TBC1D32: variants seen among roughly 807,000 people sequenced by gnomAD.
TBC1D32 encodes protein broad-minded.
Under a neutral mutation model 170.3 loss-of-function variants are expected in TBC1D32, and 151 were observed. The ratio of observed to expected loss-of-function variants is 0.89; its 90% CI spans 0.78 to 1.01. TBC1D32 has a LOEUF of 1.01. Among genes scored for constraint, TBC1D32 ranks in the 50% least tolerant of loss-of-function variants. TBC1D32 has a pLI of 0.00. For synonymous variants in TBC1D32, 498 were observed against 488.0 expected (o/e 1.02, Z -0.27); for missense variants, 1,464 against 1,457.1 (o/e 1.00, Z -0.08).
intron 22 of TBC1D32, among the ~76,000 whole-genome samples, chr6:121,168,326 T>C (rs1395424038): frequency 2.1e-5 from 3 of 140,766 alleles, no homozygotes; most frequent in African/African-American, 8.0e-5. Flanking sequence ...TGTCCAACAA[T>C]GATAGACTGG....
At chr6:121,198,277 T>C (rs1053738512) in intron 22 of TBC1D32, among the ~76,000 whole-genome samples, 6 of 128,446 alleles carry the variant, frequency 4.7e-5, no homozygotes, top group East Asian at 2.1e-4. Context: ...ATATATAATA[T>C]ACACACACAC....
intron 15 of TBC1D32, among the ~76,000 whole-genome samples, chr6:121,270,196 A>C (rs1801163612): frequency 6.6e-6 from 1 of 152,174 alleles, no homozygotes; most frequent in Non-Finnish European, 1.5e-5. Context: ...CATCACAATT[A>C]AAAGAACTAG....
rs201842248 is a variant in TBC1D32, at chr6:121,080,713, C to G, written c.*58G>C. The stretch of plus-strand genomic sequence containing the variant: ...GTTACAGACACAGAAAAACATCAAG[C>G]CCCCCTGCTGTGTTTAAAAATAAAT... On this transcript the variant is annotated 3_prime_UTR_variant, in exon 32 of 32. Coordinates refer to ENST00000398212, the MANE Select transcript of TBC1D32 (RefSeq NM_152730.6). The G allele has an allele frequency of 5.9e-6, 9 of 1,530,960 alleles. No homozygotes were observed. The African/African-American group carries it at 1.3e-4, about 22-fold the overall frequency. The allele number at this position is 1,530,960 out of a possible 1,614,324, so 94.8% of individuals were successfully genotyped here.
At chr6:121,094,661 T>A (rs186283249) in intron 30 of TBC1D32, among the ~76,000 whole-genome samples, 4 of 152,268 alleles carry the variant, frequency 2.6e-5, no homozygotes, top group Admixed American at 2.0e-4. Flanking sequence ...CTTGGTTGAT[T>A]TGTGTCTTAA....
chr6:121,324,626 T>C (rs979215155), intron 1 of TBC1D32, among the ~76,000 whole-genome samples: 1 of 152,240 alleles, frequency 6.6e-6, no homozygotes, highest in African/African-American at 2.4e-5. Context: ...CTTCTTTTGG[T>C]AATTCATCAT....
intron 5 of TBC1D32, among the ~76,000 whole-genome samples, chr6:121,307,462 G>T (rs887566061): frequency 6.6e-6 from 1 of 152,116 alleles, no homozygotes; most frequent in African/African-American, 2.4e-5. Flanking sequence ...ATTTGGCAAT[G>T]AAATATGACC....
At chr6:121,119,554 C>T (rs1344598579) in intron 26 of TBC1D32, among the ~76,000 whole-genome samples, 3 of 151,968 alleles carry the variant, frequency 2.0e-5, no homozygotes, top group African/African-American at 7.2e-5. Flanking sequence ...TAAAAATACA[C>T]ATCACCCTGA....
At chr6:121,222,522 C>T (rs1193070582) in intron 21 of TBC1D32, among the ~76,000 whole-genome samples, 1 of 151,574 alleles carries the variant, frequency 6.6e-6, no homozygotes, top group African/African-American at 2.4e-5. Context: ...TTTTAAAAAT[C>T]CAAGTATTTA....
intron 20 of TBC1D32, among the ~76,000 whole-genome samples, chr6:121,238,272 G>T (rs1265963965): frequency 6.6e-6 from 1 of 152,044 alleles, no homozygotes; most frequent in Non-Finnish European, 1.5e-5. Context: ...GTTAAATCCA[G>T]AATCTCAAGA....
chr6:121,204,981 C>A, intron 22 of TBC1D32, 94 bp downstream of exon 22: 1 of 657,556 alleles, frequency 1.5e-6, no homozygotes, highest in Non-Finnish European at 2.5e-6. Context: ...TAAATATTAG[C>A]TAATTTTAAA....
chr6:121,332,982 A>C (rs984296076), intron 1 of TBC1D32, among the ~76,000 whole-genome samples: 7 of 152,110 alleles, frequency 4.6e-5, no homozygotes, highest in Admixed American at 3.3e-4. Context: ...TTAAAACTCA[A>C]TTGAGAAGGT....
chr6:121,172,419 A>T (rs9372641), intron 22 of TBC1D32, among the ~76,000 whole-genome samples: 104,232 of 151,992 alleles, frequency 0.69, 41,026 homozygotes, highest in Non-Finnish European at 0.87. Context: ...AATACAGGAG[A>T]TCCATTAGGG....
At chr6:121,108,974 A>C (rs1004179430) in intron 29 of TBC1D32, among the ~76,000 whole-genome samples, 1 of 152,150 alleles carries the variant, frequency 6.6e-6, no homozygotes, top group Non-Finnish European at 1.5e-5. Flanking sequence ...TGATTCTATA[A>C]TTCTAGATAA....
intron 15 of TBC1D32, among the ~76,000 whole-genome samples, chr6:121,271,715 T>C (rs1801459005): frequency 6.6e-6 from 1 of 152,096 alleles, no homozygotes; most frequent in African/African-American, 2.4e-5. Flanking sequence ...TTCAATGCCA[T>C]CCCCATCAAG....
chr6:121,264,116 A>G (rs1800133146), intron 15 of TBC1D32, among the ~76,000 whole-genome samples: 1 of 152,210 alleles, frequency 6.6e-6, no homozygotes, highest in African/African-American at 2.4e-5. Flanking sequence ...CGGACATGAA[A>G]ACCCTTCAGA....
At chr6:121,322,279 AT>A (rs1160207686) in intron 1 of TBC1D32, among the ~76,000 whole-genome samples, 12 of 152,280 alleles carry the variant, frequency 7.9e-5, no homozygotes, top group South Asian at 6.2e-4. Context: ...AACAGTTCTT[AT>A]GTTACTAAGA....
intron 22 of TBC1D32, among the ~76,000 whole-genome samples, chr6:121,177,786 G>A (rs1025488335): frequency 6.6e-6 from 1 of 152,148 alleles, no homozygotes; most frequent in Non-Finnish European, 1.5e-5. Flanking sequence ...CTACCCCCAA[G>A]ATATCAAACT....
At chr6:121,332,069 A>C (rs539574001) in intron 1 of TBC1D32, among the ~76,000 whole-genome samples, 1 of 152,220 alleles carries the variant, frequency 6.6e-6, no homozygotes, top group Non-Finnish European at 1.5e-5. Context: ...GCATTTATTT[A>C]ATCTACCTAA....
intron 15 of TBC1D32, among the ~76,000 whole-genome samples, chr6:121,260,931 TC>T (rs1169456374): frequency 1.3e-5 from 2 of 152,188 alleles, no homozygotes; most frequent in Admixed American, 1.3e-4. Flanking sequence ...GCCGTGCTTT[TC>T]CCTGCTAGAG....
Sources: gnomAD v4.1 joint callset for allele counts (sites outside exome capture counted in the v4.1 genomes callset) on GRCh38, gnomAD v4.1.1 for gene constraint, MANE v1.5 for transcripts, NCBI Gene and HGNC (gene_info 2026-07-23, HGNC 2026-07-21) for gene names.